Variants in AGPAT4 observed in about 807,000 individuals in gnomAD.
AGPAT4 encodes the protein 1-acylglycerol-3-phosphate O-acyltransferase 4, also known as 1-acyl-sn-glycerol-3-phosphate acyltransferase delta.
In AGPAT4, 15 loss-of-function variants were observed where a neutral mutation model predicts 48.0. The observed-to-expected ratio is 0.31, with a 90% CI of 0.21 to 0.48. AGPAT4 has a LOEUF of 0.48. Among genes scored for constraint, AGPAT4 ranks in the 20% least tolerant of loss-of-function variants. The pLI is 0.99. For synonymous variants in AGPAT4, 178 were observed against 198.7 expected (o/e 0.90, Z 0.88); for missense variants, 314 against 482.5 (o/e 0.65, Z 3.27).
At position 161,267,739 on chromosome 6, in the gene AGPAT4, G is replaced by T. The variant is rs1386150049; in HGVS notation, c.-90+6199C>A. ...CTCTGTCTCAAAAAAAAAAAGAAAA[G>T]AAAAATATTAGCTGGGCATGTTAGT... is the stretch of plus-strand genomic sequence containing the variant. On this transcript the variant is annotated intron_variant, in intron 1 of 8. Coordinates refer to ENST00000320285, the MANE Select transcript of AGPAT4 (RefSeq NM_020133.3). This position sits in a 1 kb window ranked among gnomAD's most constrained non-coding sequence, Gnocchi z 5.2. 6.6e-6 allele frequency among the ~76,000 whole-genome samples: 1 copy of T among 151,700 alleles called. No individual in the cohort carries two copies. Among genetic ancestry groups the T allele is most frequent in the African/African-American group, 2.4e-5 (1 of 41,288 alleles).
rs1782629057 is a variant in AGPAT4 at position 161,245,722 on chromosome 6, G to A, written c.-89-13420C>T. Among the ~76,000 whole-genome samples, 1 of 152,134 alleles carries A rather than the reference G, an allele frequency of 6.6e-6. No homozygotes were observed. Among genetic ancestry groups the A allele is most frequent in the African/African-American group, 2.4e-5 (1 of 41,422 alleles). ...TCCGTGAAGTGCCCTCAATCCTTGA[G>A]TTCTTGGAGATCCTGTCATTGCCAA... On this transcript the variant is annotated intron_variant, in intron 1 of 8. Transcript: ENST00000320285. This position sits in a 1 kb window ranked among gnomAD's most constrained non-coding sequence, Gnocchi z 5.2.
Position 161,219,916 on chromosome 6 carries a change from C to CAGGCAGGCAGGCAGGCAGGCGGCAGGCA in AGPAT4, c.178+12119_178+12120insTGCCTGCCGCCTGCCTGCCTGCCTGCCT, listed in dbSNP as rs770490075. Among the ~76,000 whole-genome samples the CAGGCAGGCAGGCAGGCAGGCGGCAGGCA allele has an allele frequency of 1.0e-4, 11 of 106,040 alleles. No individual in the cohort carries two copies. Among genetic ancestry groups the CAGGCAGGCAGGCAGGCAGGCGGCAGGCA allele is most frequent in the Non-Finnish European group, 1.8e-4 (9 of 49,252 alleles). 69.6% of individuals were successfully genotyped at this position (106,040 alleles called of 152,430 possible). A position where few individuals can be genotyped will look rare whatever the true frequency, so the allele number is the denominator to read the frequency against. Reference sequence around the variant, plus strand: ...GCAGGCAGGCAGGCAGGCAGGCAGGCGGCAGGCAGGCAGGCAGGCAGGCAG... The same window carrying CAGGCAGGCAGGCAGGCAGGCGGCAGGCA: ...GCAGGCAGGCAGGCAGGCAGGCAGGCAGGCAGGCAGGCAGGCAGGCGGCAGGCAGGCAGGCAGGCAGGCAGGCAGGCAG... On this transcript the variant is annotated intron_variant, in intron 2 of 8. Transcript: ENST00000320285. This position sits in a 1 kb window ranked among gnomAD's most constrained non-coding sequence, Gnocchi z 4.9.
chr6:161,147,509 T>TA lies in AGPAT4; in HGVS notation c.768-911dup, dbSNP rs1383322204. Among the ~76,000 whole-genome samples, 1 of 152,138 alleles carries TA rather than the reference T, an allele frequency of 6.6e-6. No homozygotes were observed. Among genetic ancestry groups the TA allele is most frequent in the Non-Finnish European group, 1.5e-5 (1 of 68,012 alleles). On this transcript the variant is annotated intron_variant, in intron 6 of 8. Transcript: ENST00000320285. This position sits in a 1 kb window ranked among gnomAD's most constrained non-coding sequence, Gnocchi z 4.8. ...ATCTTAGTAAGAAGATTTGAGAGTT[T>TA]ATCTATCACACTAGAGTCTGTTAAG...
At chr6:161,150,857 T>C (rs1779570873) in intron 5 of AGPAT4, among the ~76,000 whole-genome samples, 1 of 152,204 alleles carries the variant, frequency 6.6e-6, no homozygotes, top group Admixed American at 6.5e-5. Context: ...GTCCTAGGGC[T>C]TCCCAGTAAG....
rs1289644665 is a variant in AGPAT4, at chr6:161,206,186, T to C, written c.178+25850A>G. Among the ~76,000 whole-genome samples the C allele has an allele frequency of 1.3e-5, 2 of 152,096 alleles. No individual in the cohort carries two copies. Among genetic ancestry groups the C allele is most frequent in the African/African-American group, 4.8e-5 (2 of 41,410 alleles). On this transcript the variant is annotated intron_variant, in intron 2 of 8. Transcript: ENST00000320285. The surrounding 1 kb of genome is among the most constrained non-coding windows in gnomAD (Gnocchi z 4.8). ...AACTGCCCTACACCAACCGAACTCA[T>C]GGAAAAACTGTGGCCCTACCCCAAC...
intron 2 of AGPAT4, among the ~76,000 whole-genome samples, chr6:161,175,805 T>C (rs1300331865): frequency 6.6e-6 from 1 of 150,866 alleles, no homozygotes; most frequent in Non-Finnish European, 1.5e-5. Context: ...TGCACTGCTT[T>C]AAATGTGTCC....
chr6:161,208,523 A>G lies in AGPAT4; in HGVS notation c.178+23513T>C, dbSNP rs571783080. ...TTCACAAAGTTTAAGACAAAACCCA[A>G]TAACGCATATGATAACCACTGTCTC... On this transcript the variant is annotated intron_variant, in intron 2 of 8. Transcript: ENST00000320285. The surrounding 1 kb of genome is among the most constrained non-coding windows in gnomAD (Gnocchi z 4.6). Among the ~76,000 whole-genome samples the G allele has an allele frequency of 3.9e-5, 6 of 152,284 alleles. No individual in the cohort carries two copies. The highest frequency in any genetic ancestry group is 1.2e-4 in the African/African-American group (5 of 41,566).
In AGPAT4 at chr6:161,177,275, A is replaced by T. The variant is rs1319370284; in HGVS notation, c.179-10858T>A. Among the ~76,000 whole-genome samples, 1 of 152,212 alleles carries T rather than the reference A, an allele frequency of 6.6e-6. No individual in the cohort carries two copies. Among genetic ancestry groups the T allele is most frequent in the Non-Finnish European group, 1.5e-5 (1 of 68,038 alleles). ...TCCATTCTCCCCGTCACTTTCAGGT[A>T]CATCAATCAGACGTAGATTTGGTCT... On this transcript the variant is annotated intron_variant, in intron 2 of 8. Transcript: ENST00000320285. The surrounding 1 kb of genome is among the most constrained non-coding windows in gnomAD (Gnocchi z 5.0).
intron 5 of AGPAT4, among the ~76,000 whole-genome samples, 191 bp downstream of exon 5, chr6:161,153,155 G>C (rs1239285299): frequency 2.0e-5 from 3 of 152,232 alleles, no homozygotes; most frequent in African/African-American, 7.2e-5. Flanking sequence ...CACCCTGAGT[G>C]CCAGCCAGGG....
At position 161,197,714 on chromosome 6, in the gene AGPAT4, G is replaced by A. The variant is rs886552918; in HGVS notation, c.179-31297C>T. Among the ~76,000 whole-genome samples, 2 of 152,200 alleles carry A rather than the reference G, an allele frequency of 1.3e-5. No homozygotes were observed. Among genetic ancestry groups the A allele is most frequent in the African/African-American group, 4.8e-5 (2 of 41,446 alleles). On this transcript the variant is annotated intron_variant, in intron 2 of 8. Transcript: ENST00000320285. This position sits in a 1 kb window ranked among gnomAD's most constrained non-coding sequence, Gnocchi z 5.7. ...AGGTGGAAGGGTGGGAGGCTAGAAG[G>A]AGAGCCTGGGAAGGAGACCACTGGC...
In AGPAT4 at chr6:161,261,500, A is replaced by C. The variant is rs1298528567; in HGVS notation, c.-90+12438T>G. On this transcript the variant is annotated intron_variant, in intron 1 of 8. Coordinates refer to ENST00000320285, the MANE Select transcript of AGPAT4 (RefSeq NM_020133.3). The surrounding 1 kb of genome is among the most constrained non-coding windows in gnomAD (Gnocchi z 5.3). ...CTGAATGGTCAGTCACATTCACCAC[A>C]CTGCTCCAGGGAAACGCCCGGCTCA... is the stretch of plus-strand genomic sequence containing the variant. 6.6e-6 allele frequency among the ~76,000 whole-genome samples: 1 copy of C among 152,158 alleles called. No homozygotes were observed. Among genetic ancestry groups the C allele is most frequent in the Non-Finnish European group, 1.5e-5 (1 of 68,004 alleles).
rs866941075 is a variant in AGPAT4 at position 161,219,871 on chromosome 6, A to G, written c.178+12165T>C. ...GATAGATAGATAGATAGATAGATAG[A>G]TAGGCAGGCAGGCAGGCAGGCAGGC... On this transcript the variant is annotated intron_variant, in intron 2 of 8. Coordinates refer to ENST00000320285, the MANE Select transcript of AGPAT4 (RefSeq NM_020133.3). This position sits in a 1 kb window ranked among gnomAD's most constrained non-coding sequence, Gnocchi z 4.9. Among the ~76,000 whole-genome samples the G allele has an allele frequency of 6.3e-3, 561 of 89,180 alleles. 1 individual carries two copies. Among genetic ancestry groups the G allele is most frequent in the South Asian group, 8.9e-3 (23 of 2,594 alleles). The allele number at this position is 89,180 out of a possible 152,430, so 58.5% of individuals were successfully genotyped here.
In AGPAT4 at chr6:161,221,584, A is replaced by T. The variant is rs1781836574; in HGVS notation, c.178+10452T>A. ...ACCACAGTAGAAGAAAAGACTTAGA[A>T]CGCAGACTGGATTCATTTCCTGGGG... On this transcript the variant is annotated intron_variant, in intron 2 of 8. Coordinates refer to ENST00000320285, the MANE Select transcript of AGPAT4 (RefSeq NM_020133.3). The surrounding 1 kb of genome is among the most constrained non-coding windows in gnomAD (Gnocchi z 4.5). Among the ~76,000 whole-genome samples the T allele has an allele frequency of 6.6e-6, 1 of 152,210 alleles. No individual in the cohort carries two copies. The highest frequency in any genetic ancestry group is 2.4e-5 in the African/African-American group (1 of 41,454).
Position 161,211,021 on chromosome 6 carries a change from T to C in AGPAT4, c.178+21015A>G, listed in dbSNP as rs1368127549. ...AGTTCCTCCAAAAGTTAATTTGGCCTATGCCCAGGAATGAGCAAGGACAGC... is the reference window on the plus strand; with the variant it reads ...AGTTCCTCCAAAAGTTAATTTGGCCCATGCCCAGGAATGAGCAAGGACAGC... On this transcript the variant is annotated intron_variant, in intron 2 of 8. Coordinates refer to ENST00000320285, the MANE Select transcript of AGPAT4 (RefSeq NM_020133.3). Among the ~76,000 whole-genome samples, 5 of 152,218 alleles carry C rather than the reference T, an allele frequency of 3.3e-5. No homozygotes were observed. In the South Asian group the frequency reaches 8.3e-4, roughly 25 times the overall value.
rs1030166845 is a variant in AGPAT4 at position 161,196,979 on chromosome 6, G to A, written c.179-30562C>T. Among the ~76,000 whole-genome samples, 1 of 152,174 alleles carries A rather than the reference G, an allele frequency of 6.6e-6. No homozygotes were observed. The highest frequency in any genetic ancestry group is 1.5e-5 in the Non-Finnish European group (1 of 68,038). ...CACTGGGGAAGTCAGCTGTGAACAA[G>A]AGGCAAAGTCTGTGTCCTCTTGGAA... On this transcript the variant is annotated intron_variant, in intron 2 of 8. Coordinates refer to ENST00000320285, the MANE Select transcript of AGPAT4 (RefSeq NM_020133.3). This position sits in a 1 kb window ranked among gnomAD's most constrained non-coding sequence, Gnocchi z 4.3.
rs183211231 is a variant in AGPAT4 at position 161,248,703 on chromosome 6, C to T, written c.-89-16401G>A. Among the ~76,000 whole-genome samples the T allele has an allele frequency of 4.5e-3, 688 of 152,108 alleles. 7 individuals carry two copies. Among genetic ancestry groups the T allele is most frequent in the African/African-American group, 0.016 (659 of 41,520 alleles). On this transcript the variant is annotated intron_variant, in intron 1 of 8. Transcript: ENST00000320285. ...AACGAATGAAGAAATATTCCATACT[C>T]GTGGATAGGAAGAATCAATATCGTT... is the stretch of plus-strand genomic sequence containing the variant.
intron 2 of AGPAT4, among the ~76,000 whole-genome samples, chr6:161,187,617 C>T (rs1439440325): frequency 6.6e-6 from 1 of 151,948 alleles, no homozygotes; most frequent in African/African-American, 2.4e-5. Flanking sequence ...AATCTCAGCT[C>T]ACCGCAACCT....
chr6:161,249,941 AC>A lies in AGPAT4; in HGVS notation c.-89-17640del, dbSNP rs1436670523. 6.6e-6 allele frequency among the ~76,000 whole-genome samples: 1 copy of A among 152,232 alleles called. No individual in the cohort carries two copies. The highest frequency in any genetic ancestry group is 1.5e-5 in the Non-Finnish European group (1 of 68,034). The stretch of plus-strand genomic sequence containing the variant: ...TCACAATAGCAAAGACATGAAATCA[AC>A]CTCAATGCCCATCAATAGTAGACTG... On this transcript the variant is annotated intron_variant, in intron 1 of 8. Transcript: ENST00000320285. This position sits in a 1 kb window ranked among gnomAD's most constrained non-coding sequence, Gnocchi z 6.2.
At chr6:161,179,043 C>T (rs765158860) in intron 2 of AGPAT4, among the ~76,000 whole-genome samples, 1 of 152,198 alleles carries the variant, frequency 6.6e-6, no homozygotes, top group Non-Finnish European at 1.5e-5. Flanking sequence ...CAAACCATTG[C>T]TTGCTATTTA....
Sources: gnomAD v4.1 joint callset for allele counts (sites outside exome capture counted in the v4.1 genomes callset) on GRCh38, gnomAD v4.1.1 for gene constraint, Gnocchi (gnomAD v3.1) non-coding constraint, MANE v1.5 for transcripts, NCBI Gene and HGNC (gene_info 2026-07-23, HGNC 2026-07-21) for gene names.